Variants in MMP16 observed in about 807,000 individuals in gnomAD.
MMP16 encodes matrix metallopeptidase 16, also known as matrix metalloproteinase-16.
MMP16 carries 12 observed loss-of-function variants against 67.8 expected under a neutral mutation model. The observed-to-expected ratio is 0.18, with a 90% confidence interval of 0.11 to 0.29. MMP16 has a LOEUF of 0.29. Ranked by LOEUF, MMP16 falls within the 10% of genes least tolerant of loss-of-function variation. The pLI is 1.00. For synonymous variants in MMP16, 249 were observed against 255.9 expected (o/e 0.97, Z 0.26); for missense variants, 475 against 765.7 (o/e 0.62, Z 4.48).
At chr8:88,180,299 T>C (rs1808959056) in intron 3 of MMP16, among the ~76,000 whole-genome samples, 2 of 148,510 alleles carry the variant, frequency 1.3e-5, no homozygotes, top group Admixed American at 1.4e-4. Flanking sequence ...AAAAAGTCAA[T>C]ACTAAATATG....
At position 88,056,238 on chromosome 8, in the gene MMP16, A is replaced by G. The variant is rs745539332; in HGVS notation, c.1263T>C (p.Pro421=). The change falls in exon 8 of 10, where the codon CCT becomes CCC. Residue 421 remains proline, a synonymous_variant. Coordinates refer to ENST00000286614, the MANE Select transcript of MMP16 (RefSeq NM_005941.5). ...GGGTTATCAAGTCATGAGGGTAACC[A>G]GGTTGAAGAGTTGTATCCTTGAACA... ...YWVFKDTTLQ[P]GYPHDLITLG... 3 of 1,595,990 alleles carry G rather than the reference A, an allele frequency of 1.9e-6. No homozygotes were observed. The highest frequency in any genetic ancestry group is 2.6e-6 in the Non-Finnish European group (3 of 1,168,964).
intron 1 of MMP16, among the ~76,000 whole-genome samples, chr8:88,321,521 T>A (rs554752698): frequency 6.6e-6 from 1 of 152,306 alleles, no homozygotes; most frequent in South Asian, 2.1e-4. Flanking sequence ...ATGTATTTAC[T>A]ACTCAGCAGA....
intron 1 of MMP16, among the ~76,000 whole-genome samples, chr8:88,318,500 G>T (rs1304497304): frequency 3.3e-5 from 5 of 152,092 alleles, no homozygotes; most frequent in Non-Finnish European, 5.9e-5. Flanking sequence ...GAATACAAAC[G>T]ATGTTCGTAA....
At chr8:88,184,492 G>A (rs2129747787) in intron 3 of MMP16, among the ~76,000 whole-genome samples, 1 of 133,608 alleles carries the variant, frequency 7.5e-6, no homozygotes, top group Admixed American at 8.2e-5. Context: ...GCTTTGGAAA[G>A]CCAAGGCAGG....
At chr8:88,102,206 A>C (rs1809156442) in intron 6 of MMP16, among the ~76,000 whole-genome samples, 1 of 151,800 alleles carries the variant, frequency 6.6e-6, no homozygotes. Context: ...TAAGTCCCCA[A>C]AACTGCCTCC....
At chr8:88,202,147 C>T (rs1254874070) in intron 1 of MMP16, among the ~76,000 whole-genome samples, 1 of 152,110 alleles carries the variant, frequency 6.6e-6, no homozygotes, top group Non-Finnish European at 1.5e-5. Context: ...GAATTCAATT[C>T]ACTTAGAATT....
At chr8:88,138,030 T>C (rs563670016) in intron 4 of MMP16, among the ~76,000 whole-genome samples, 2 of 152,156 alleles carry the variant, frequency 1.3e-5, no homozygotes, top group East Asian at 3.9e-4. Context: ...ACTTTTTAGT[T>C]ATATATGTCA....
intron 1 of MMP16, among the ~76,000 whole-genome samples, chr8:88,239,152 A>G (rs6993209): frequency 0.97 from 147,205 of 151,900 alleles, 71,514 homozygotes; most frequent in East Asian, 1. Context: ...GATTACAAGC[A>G]GGCGTGGTGG....
intron 8 of MMP16, 120 bp from the exon 9 acceptor site, chr8:88,046,904 C>G (rs551674078): frequency 5.8e-5 from 31 of 530,228 alleles, no homozygotes; most frequent in Admixed American, 3.5e-4. Flanking sequence ...ACTTTGTTAC[C>G]TGTGCACCTG....
intron 4 of MMP16, among the ~76,000 whole-genome samples, chr8:88,133,511 T>C (rs951029153): frequency 6.6e-6 from 1 of 151,864 alleles, no homozygotes; most frequent in African/African-American, 2.4e-5. Context: ...GATTTGTTTA[T>C]ATCTGAAGAA....
intron 4 of MMP16, among the ~76,000 whole-genome samples, chr8:88,144,431 G>A (rs547893791): frequency 6.6e-6 from 1 of 151,592 alleles, no homozygotes; most frequent in Admixed American, 6.6e-5. Flanking sequence ...GAAGTATCCT[G>A]TATAGGTATA....
rs185008288 is a variant in MMP16 at position 88,099,630 on chromosome 8, C to G, written c.1083+16877G>C. On this transcript the variant is annotated intron_variant, in intron 6 of 9. Transcript: ENST00000286614. ...CTCATCAAGGTAAAACAGTCTGGAT[C>G]TAAAAGCCACGTATCCTGACTTTTA... Among the ~76,000 whole-genome samples, 205 of 151,812 alleles carry G rather than the reference C, an allele frequency of 1.4e-3. 1 individual carries two copies. Among genetic ancestry groups the G allele is most frequent in the Non-Finnish European group, 5.5e-4 (37 of 67,838 alleles).
chr8:88,299,975 C>T (rs1280412922), intron 1 of MMP16, among the ~76,000 whole-genome samples: 2 of 152,120 alleles, frequency 1.3e-5, no homozygotes, highest in African/African-American at 4.8e-5. Flanking sequence ...AATGCATATT[C>T]ATATTACTTA....
chr8:88,295,513 C>A (rs147539298), intron 1 of MMP16, among the ~76,000 whole-genome samples: 1 of 152,340 alleles, frequency 6.6e-6, no homozygotes, highest in African/African-American at 2.4e-5. Flanking sequence ...TATTCACAGA[C>A]TCTCTCAGAG....
chr8:88,104,940 T>TA (rs956612120), intron 6 of MMP16, among the ~76,000 whole-genome samples: 20 of 151,484 alleles, frequency 1.3e-4, no homozygotes, highest in African/African-American at 4.8e-4. Context: ...TACAGTAAGC[T>TA]AAGGTTAATT....
rs565606177 is a variant in MMP16 at position 88,199,018 on chromosome 8, G to A, written c.133-1712C>T. On this transcript the variant is annotated intron_variant, in intron 1 of 9. Transcript: ENST00000286614. ...TAACGTAATGTCTCAAAATTAGAAC[G>A]TTGTATCTTGATTTTTAATAATATA... 2.6e-5 allele frequency among the ~76,000 whole-genome samples: 4 copies of A among 152,074 alleles called. No homozygotes were observed. The Middle Eastern group carries it at 0.014, about 517-fold the overall frequency.
chr8:88,074,697 T>C lies in MMP16; in HGVS notation c.1130A>G (p.Tyr377Cys). ...RVRNNRVMDG[Y>C]PMQITYFWRG... ...CCAGAAGTAAGTAATTTGCATTGGGTATCCATCCATCACCCTGTTGTTTCT... is the reference window on the plus strand; with the variant it reads ...CCAGAAGTAAGTAATTTGCATTGGGCATCCATCCATCACCCTGTTGTTTCT... Residue 377 changes from tyrosine to cysteine, a missense_variant, in exon 7 of 10, where the codon TAC (tyrosine) becomes TGC (cysteine). Coordinates refer to ENST00000286614, the MANE Select transcript of MMP16 (RefSeq NM_005941.5). 6.2e-7 allele frequency: 1 copy of C among 1,613,626 alleles called. No homozygotes were observed. The highest frequency in any genetic ancestry group is 8.5e-7 in the Non-Finnish European group (1 of 1,179,698).
intron 1 of MMP16, among the ~76,000 whole-genome samples, chr8:88,239,034 C>A (rs1420840780): frequency 1.3e-5 from 2 of 152,072 alleles, no homozygotes; most frequent in African/African-American, 4.8e-5. Context: ...TCCTTCCTTG[C>A]AAGACCCAGC....
intron 1 of MMP16, among the ~76,000 whole-genome samples, chr8:88,285,371 C>A (rs1269763092): frequency 2.6e-5 from 4 of 152,084 alleles, no homozygotes; most frequent in African/African-American, 9.7e-5. Flanking sequence ...AACTCCTGAC[C>A]TCAGGCGATC....
Sources: allele counts gnomAD v4.1 joint callset (sites outside exome capture counted in the v4.1 genomes callset), GRCh38; gene constraint gnomAD v4.1.1; transcripts MANE v1.5; gene names NCBI Gene and HGNC (gene_info 2026-07-23, HGNC 2026-07-21).